Variants in ZNF106 observed in about 807,000 individuals in gnomAD.
The protein encoded by ZNF106 is zinc finger protein 106.
ZNF106 carries 67 observed loss-of-function variants against 195.1 expected under a neutral mutation model. The ratio of observed to expected loss-of-function variants is 0.34; its 90% CI spans 0.28 to 0.42. The LOEUF is 0.42. ZNF106 is among the 10% of genes least tolerant of loss of function. The probability of loss-of-function intolerance (pLI) is 1.00; values close to 1 mark genes in which losing one functional copy is unlikely to be tolerated. For synonymous variants in ZNF106, 784 were observed against 818.6 expected (o/e 0.96, Z 0.72); for missense variants, 2,118 against 2,304.5 (o/e 0.92, Z 1.66).
At chr15:42,453,961 G>A (rs1451839153) in intron 4 of ZNF106, among the ~76,000 whole-genome samples, 1 of 152,194 alleles carries the variant, frequency 6.6e-6, no homozygotes, top group Non-Finnish European at 1.5e-5. Context: ...AAGATAGCCA[G>A]AAAGCAGTAG....
In ZNF106 at chr15:42,439,548, G is replaced by A. The variant is rs924571528; in HGVS notation, c.4029C>T (p.Thr1343=). 45 of 1,614,078 alleles carry A rather than the reference G, an allele frequency of 2.8e-5. No individual in the cohort carries two copies. Among genetic ancestry groups the A allele is most frequent in the Non-Finnish European group, 3.6e-5 (43 of 1,180,056 alleles). ...SFLRLSFASE[T]PLEKEPHSPA... ...GAGAGTGGGGTTCCTTCTCCAAAGG[G>A]GTTTCTGAAGCAAAAGACAATCTTA... Residue 1343 remains threonine (T), a synonymous_variant, in exon 11 of 22, where the codon ACC becomes ACT. Coordinates refer to ENST00000564754, the MANE Select transcript of ZNF106 (RefSeq NM_001366845.3).
chr15:42,425,057 C>G lies in ZNF106; in HGVS notation c.4999-32G>C, dbSNP rs779938255. 5 of 1,603,276 alleles carry G rather than the reference C, an allele frequency of 3.1e-6. No individual in the cohort carries two copies. In the East Asian group the frequency reaches 6.7e-5, roughly 21 times the overall value. On this transcript the variant is annotated intron_variant, in intron 15 of 21. Coordinates refer to ENST00000564754, the MANE Select transcript of ZNF106 (RefSeq NM_001366845.3). The stretch of plus-strand genomic sequence containing the variant: ...AATAAGCCAAGATTACAGCTAAAAC[C>G]AACTTAGCTGGAAAATTCAACTAAC...
intron 1 of ZNF106, among the ~76,000 whole-genome samples, chr15:42,477,045 G>A (rs2056800582): frequency 6.6e-6 from 1 of 152,098 alleles, no homozygotes; most frequent in African/African-American, 2.4e-5. Flanking sequence ...GGGTATCGGT[G>A]CCCCCAACCC....
intron 20 of ZNF106, among the ~76,000 whole-genome samples, chr15:42,420,151 G>A (rs567489201): frequency 1.2e-4 from 18 of 152,214 alleles, no homozygotes; most frequent in South Asian, 6.2e-4. Flanking sequence ...GTTACCTGTG[G>A]TTAACTGATC....
chr15:42,462,862 C>G (rs1049433864), intron 3 of ZNF106, among the ~76,000 whole-genome samples: 1 of 152,174 alleles, frequency 6.6e-6, no homozygotes, highest in Non-Finnish European at 1.5e-5. Context: ...TAGCTCACTG[C>G]AGCCTCAAAC....
chr15:42,464,122 A>G (rs1385324811), intron 3 of ZNF106, among the ~76,000 whole-genome samples: 1 of 152,130 alleles, frequency 6.6e-6, no homozygotes, highest in East Asian at 1.9e-4. Context: ...CGGGCAGATC[A>G]CAAGGTCAGG....
chr15:42,485,101 A>C (rs1567035590), intron 1 of ZNF106, among the ~76,000 whole-genome samples: 1 of 152,114 alleles, frequency 6.6e-6, no homozygotes, highest in Non-Finnish European at 1.5e-5. Context: ...GTGAGCCAAG[A>C]CCATGCCACT....
intron 14 of ZNF106, 34 bp from the exon 15 acceptor site, chr15:42,428,168 G>A (rs905415380): frequency 2.5e-6 from 4 of 1,571,780 alleles, no homozygotes; most frequent in East Asian, 4.5e-5. Flanking sequence ...ATCAGCAGAG[G>A]GTACTGGCAA....
At position 42,466,110 on chromosome 15, in the gene ZNF106, A is replaced by G; in HGVS notation, c.59T>C (p.Met20Thr). Residue 20 changes from methionine to threonine, a missense_variant, in exon 3 of 22, where the codon ATG (methionine) becomes ACG (threonine). By Grantham distance (81) the Met-to-Thr change is moderately conservative. Transcript: ENST00000564754. ...CAACATGCTCCGCATGTGTTCGTCCATCTCCTTCAAAATAAAAGAAAGTAG... is the reference window on the plus strand; with the variant it reads ...CAACATGCTCCGCATGTGTTCGTCCGTCTCCTTCAAAATAAAAGAAAGTAG... ...CHIVYSSKKE[M>T]DEHMRSMLHH... 6.5e-7 allele frequency: 1 copy of G among 1,531,596 alleles called. No individual in the cohort carries two copies. Among genetic ancestry groups the G allele is most frequent in the Non-Finnish European group, 8.7e-7 (1 of 1,144,966 alleles). The allele number at this position is 1,531,596 out of a possible 1,614,324, so 94.9% of individuals were successfully genotyped here. A position where few individuals can be genotyped will look rare whatever the true frequency, so the allele number is the denominator to read the frequency against.
chr15:42,468,192 T>C (rs1173362465), intron 2 of ZNF106, among the ~76,000 whole-genome samples: 1 of 147,794 alleles, frequency 6.8e-6, no homozygotes, highest in African/African-American at 2.5e-5. Flanking sequence ...TTCTCCTGCC[T>C]CAGCCTCCTG....
At chr15:42,432,099 C>T (rs1211122988) in intron 14 of ZNF106, among the ~76,000 whole-genome samples, 1 of 152,138 alleles carries the variant, frequency 6.6e-6, no homozygotes, top group East Asian at 1.9e-4. Flanking sequence ...ATTGTTATAT[C>T]TTTCGGGTGT....
intron 9 of ZNF106, among the ~76,000 whole-genome samples, chr15:42,443,283 A>C (rs1291574398): frequency 1.3e-5 from 2 of 152,142 alleles, no homozygotes; most frequent in African/African-American, 4.8e-5. Context: ...TTTCCATAAC[A>C]TATTGTCTGT....
chr15:42,448,309 G>A lies in ZNF106; in HGVS notation c.2898C>T (p.Asp966=), dbSNP rs769425239. 3 of 1,614,184 alleles carry A rather than the reference G, an allele frequency of 1.9e-6. No individual in the cohort carries two copies. The highest frequency in any genetic ancestry group is 2.5e-6 in the Non-Finnish European group (3 of 1,180,032). Residue 966 remains aspartate, a synonymous_variant, in exon 6 of 22, where the codon GAC becomes GAT. Coordinates refer to ENST00000564754, the MANE Select transcript of ZNF106 (RefSeq NM_001366845.3). ...CCAAATGCATCAAAGGTATTATATG[G>A]TCAGAGGATAATTGTGCACTATGTC... ...QRRHSAQLSS[D]HIIPLMHLAK...
rs1171122730 is a variant in ZNF106, at chr15:42,413,840, C to A, written c.*3464G>T. 1 of 152,046 alleles carries A rather than the reference C, an allele frequency of 6.6e-6. No homozygotes were observed. Among genetic ancestry groups the A allele is most frequent in the Non-Finnish European group, 1.5e-5 (1 of 68,028 alleles). The allele number at this position is 152,046 out of a possible 1,614,324, so 9.4% of individuals were successfully genotyped here. A position where few individuals can be genotyped will look rare whatever the true frequency, so the allele number is the denominator to read the frequency against. On this transcript the variant is annotated 3_prime_UTR_variant, in exon 22 of 22. Coordinates refer to ENST00000564754, the MANE Select transcript of ZNF106 (RefSeq NM_001366845.3). ...TCAAGTAACATCAGGTCAAGATAACCTTTGCTGTTAGAGTTTTGTTTGCAT... is the reference window on the plus strand; with the variant it reads ...TCAAGTAACATCAGGTCAAGATAACATTTGCTGTTAGAGTTTTGTTTGCAT...
intron 1 of ZNF106, among the ~76,000 whole-genome samples, chr15:42,486,361 G>T (rs1019651762): frequency 2.0e-5 from 3 of 151,880 alleles, no homozygotes; most frequent in Non-Finnish European, 4.4e-5. Flanking sequence ...CTGGGCTCAA[G>T]TGATCCTTCC....
At chr15:42,472,989 G>C (rs1445060079) in intron 1 of ZNF106, among the ~76,000 whole-genome samples, 1 of 146,218 alleles carries the variant, frequency 6.8e-6, no homozygotes, top group Non-Finnish European at 1.5e-5. Context: ...CTGGGCGACA[G>C]AGCAAGACTC....
At chr15:42,490,305 G>C (rs1484086142) in intron 1 of ZNF106, 1 of 151,988 alleles carries the variant, frequency 6.6e-6, no homozygotes, top group Admixed American at 6.6e-5. Context: ...GCACTTATTT[G>C]CTAGGTAAGA....
rs2141349553 is a variant in ZNF106, at chr15:42,448,416, T to C, written c.2791A>G (p.Met931Val). 6.2e-7 allele frequency: 1 copy of C among 1,614,158 alleles called. No individual in the cohort carries two copies. The highest frequency in any genetic ancestry group is 8.5e-7 in the Non-Finnish European group (1 of 1,180,022). Residue 931 changes from methionine (M) to valine (V), a missense_variant, in exon 6 of 22, where the codon ATG (methionine) becomes GTG (valine). Coordinates refer to ENST00000564754, the MANE Select transcript of ZNF106 (RefSeq NM_001366845.3). ...GGTGTCACTTCTTGTTTGAGGTGCA[T>C]GGTTGCTTTCTGGCTCTGTCCAGCC... is the stretch of plus-strand genomic sequence containing the variant. ...LRAGQSQKAT[M>V]HLKQEVTPRA...
intron 9 of ZNF106, 91 bp from the exon 10 acceptor site, chr15:42,442,505 A>C: frequency 9.2e-7 from 1 of 1,091,028 alleles, no homozygotes; most frequent in Non-Finnish European, 1.3e-6. Context: ...TAAACATTAG[A>C]AAAGAATTAT....
Sources: allele counts gnomAD v4.1 joint callset (sites outside exome capture counted in the v4.1 genomes callset), GRCh38; gene constraint gnomAD v4.1.1; transcripts MANE v1.5; gene names NCBI Gene and HGNC (gene_info 2026-07-23, HGNC 2026-07-21).